Variants in FTSJ3 observed in about 807,000 individuals in gnomAD.
FTSJ3 encodes pre-rRNA 2'-O-ribose RNA methyltransferase FTSJ3.
A neutral mutation model predicts 111.5 loss-of-function variants in FTSJ3; 46 were observed. The observed-to-expected ratio is 0.41, with a 90% CI of 0.33 to 0.53. FTSJ3 has a LOEUF of 0.53. FTSJ3 is among the 20% of genes least tolerant of loss of function. The pLI is 0.19. For synonymous variants in FTSJ3, 408 were observed against 383.0 expected (o/e 1.07, Z -0.76); for missense variants, 1,075 against 1,063.8 (o/e 1.01, Z -0.15).
At position 63,821,576 on chromosome 17, in the gene FTSJ3, A is replaced by G. The variant is rs764314785; in HGVS notation, c.1664T>C (p.Phe555Ser). The change falls in exon 16 of 21, where the codon TTT becomes TCT. Residue 555 changes from phenylalanine to serine, a missense_variant. By Grantham distance (155) the Phe-to-Ser change is radical. Around this residue, in one of 2 missense-constraint regions of FTSJ3, gnomAD observed 867 missense variants for 796.9 expected, o/e 1.09. Coordinates refer to ENST00000427159, the MANE Select transcript of FTSJ3 (RefSeq NM_017647.4). ...ALEISQAQLL[F>S]ENRRKGRQQQ... ...CTGCCGTCCCTTCCGCCGGTTCTCAAATAACAGCTGGGCCTGACTGATCTC... is the reference window on the plus strand; with the variant it reads ...CTGCCGTCCCTTCCGCCGGTTCTCAGATAACAGCTGGGCCTGACTGATCTC... 1.9e-6 allele frequency: 3 copies of G among 1,613,976 alleles called. No homozygotes were observed. The highest frequency in any genetic ancestry group is 1.3e-5 in the African/African-American group (1 of 74,910).
Position 63,820,355 on chromosome 17 carries a change from A to G in FTSJ3, c.2156T>C (p.Val719Ala). 6.2e-7 allele frequency: 1 copy of G among 1,614,066 alleles called. No individual in the cohort carries two copies. Among genetic ancestry groups the G allele is most frequent in the South Asian group, 1.1e-5 (1 of 91,076 alleles). Residue 719 changes from valine to alanine, a missense_variant, in exon 19 of 21, where the codon GTT becomes GCT. This residue lies in a region of FTSJ3 where 867 missense variants were observed against 796.9 expected (regional missense o/e 1.09). Transcript: ENST00000427159. Reference protein sequence around the residue: ...EKQHRIRQLPVGKKEVEHYRK... With the variant: ...EKQHRIRQLPAGKKEVEHYRK... ...GTAATGCTCCACCTCCTTCTTACCA[A>G]CAGGCAACTGTCGTATCCGGTGCTG...
chr17:63,824,498 G>T, intron 10 of FTSJ3, 87 bp from the exon 11 acceptor site: 2 of 1,505,162 alleles, frequency 1.3e-6, no homozygotes. Context: ...CACCTTTCGG[G>T]CTTCGGCTAC....
At chr17:63,822,837 G>A (rs2040063792) in intron 13 of FTSJ3, among the ~76,000 whole-genome samples, 1 of 152,298 alleles carries the variant, frequency 6.6e-6, no homozygotes, top group South Asian at 2.1e-4. Flanking sequence ...TCACATATGA[G>A]GGATTACACC....
intron 13 of FTSJ3, 190 bp downstream of exon 13, chr17:63,823,627 C>T (rs2144606768): frequency 1.6e-6 from 1 of 633,894 alleles, no homozygotes; most frequent in East Asian, 2.6e-5. Flanking sequence ...TCACACTCAT[C>T]TATCTACCTA....
chr17:63,820,892 A>AAC lies in FTSJ3; in HGVS notation c.2017_2018dup (p.Ile674LeufsTer13). ...TCTTGGCCTTTTTGGAAGAGGCAAT[A>AAC]ACAGCACCTAGAGCAAGGCCTTCGG... On this transcript the variant is annotated frameshift_variant, in exon 18 of 21. Transcript: ENST00000427159. LOFTEE classifies it high-confidence loss of function. 1 of 1,614,206 alleles carries AAC rather than the reference A, an allele frequency of 6.2e-7. No homozygotes were observed.
intron 17 of FTSJ3, 33 bp downstream of exon 17, chr17:63,820,997 C>G (rs750316097): frequency 6.2e-7 from 1 of 1,607,298 alleles, no homozygotes; most frequent in African/African-American, 1.3e-5. Flanking sequence ...TTCCAGTGGT[C>G]TTTTCTCATT....
chr17:63,824,434 G>A, intron 10 of FTSJ3, 23 bp from the exon 11 acceptor site: 2 of 1,611,148 alleles, frequency 1.2e-6, no homozygotes, highest in Non-Finnish European at 1.7e-6. Flanking sequence ...TACTATTACT[G>A]ATCTTGCCAT....
rs1183180160 is a variant in FTSJ3 at position 63,822,180 on chromosome 17, C to T, written c.1291-12G>A. ...ACTTCCTCTAATAACTGAAGTGTAA[C>T]AGAAACAAAGGTAAACTATTTAAAA... is the stretch of plus-strand genomic sequence containing the variant. On this transcript the variant is annotated splice_polypyrimidine_tract_variant and intron_variant, in intron 13 of 20. Transcript: ENST00000427159. The T allele has an allele frequency of 1.2e-5, 20 of 1,610,394 alleles. No individual in the cohort carries two copies. The highest frequency in any genetic ancestry group is 5.0e-5 in the Admixed American group (3 of 59,804).
intron 9 of FTSJ3, 38 bp from the exon 10 acceptor site, chr17:63,824,775 C>T (rs1389326366): frequency 6.2e-7 from 1 of 1,607,266 alleles, no homozygotes; most frequent in Non-Finnish European, 8.5e-7. Context: ...GGGAGATCCT[C>T]AGGCCATGTT....
Position 63,826,127 on chromosome 17 carries a change from G to A in FTSJ3, c.229C>T (p.Leu77=), listed in dbSNP as rs2144611228. The change falls in exon 5 of 21, where the codon CTG becomes TTG. Residue 77 remains leucine, a synonymous_variant. Transcript: ENST00000427159. ...PVSSLIVGVD[L]VPIKPLPNVV... ...TTGGGGAGAGGCTTGATTGGAACCA[G>A]GTCCACTCCTGGAAGAAATCAGGTC... The A allele has an allele frequency of 6.2e-7, 1 of 1,613,962 alleles. No individual in the cohort carries two copies. The highest frequency in any genetic ancestry group is 2.2e-5 in the East Asian group (1 of 44,886).
Position 63,827,143 on chromosome 17 carries a change from T to G in FTSJ3, c.-118A>C, listed in dbSNP as rs181944199. The G allele has an allele frequency of 2.0e-4, 120 of 607,218 alleles. No individual in the cohort carries two copies. In the African/African-American group the frequency reaches 2.0e-3, roughly 10 times the overall value. The allele number at this position is 607,218 out of a possible 1,614,324, so 37.6% of individuals were successfully genotyped here. On this transcript the variant is annotated 5_prime_UTR_variant, in exon 1 of 21. Coordinates refer to ENST00000427159, the MANE Select transcript of FTSJ3 (RefSeq NM_017647.4). Reference sequence around the variant, plus strand: ...CGCTTGCGTCCCCTGCGTCCCTGGCTCGAGGTTTTCCGCCATTTTGAGTGT... The same window carrying G: ...CGCTTGCGTCCCCTGCGTCCCTGGCGCGAGGTTTTCCGCCATTTTGAGTGT...
rs762399989 is a variant in FTSJ3, at chr17:63,824,681, C to A, written c.873G>T (p.Arg291=). Residue 291 remains arginine (R), a synonymous_variant, in exon 10 of 21, where the codon CGG becomes CGT. Coordinates refer to ENST00000427159, the MANE Select transcript of FTSJ3 (RefSeq NM_017647.4). Reference sequence around the variant, plus strand: ...ACACTCTGATGTCCTGACAGCACACCCGTATGTCCTCAGTGGTAGCTGGAT... The same window carrying A: ...ACACTCTGATGTCCTGACAGCACACACGTATGTCCTCAGTGGTAGCTGGAT... ...AQHPATTEDI[R]VCCQDIRVLG... The A allele has an allele frequency of 3.7e-6, 6 of 1,614,038 alleles. No homozygotes were observed. In the African/African-American group the frequency reaches 8.0e-5, roughly 22 times the overall value.
In FTSJ3 at chr17:63,821,149, CACTCTGTACT is replaced by C. The variant is rs758335132; in HGVS notation, c.1887-44_1887-35del. 1.9e-6 allele frequency: 3 copies of C among 1,603,746 alleles called. No individual in the cohort carries two copies. In the African/African-American group the frequency reaches 4.0e-5, roughly 21 times the overall value. ...AGGGGAGGACTCTGAGTGATTCCAC[CACTCTGTACT>C]ACTCAGACCGCACTCCCACGGAATT... On this transcript the variant is annotated intron_variant, in intron 16 of 20. Transcript: ENST00000427159.
chr17:63,823,862 C>A lies in FTSJ3; in HGVS notation c.1245G>T (p.Glu415Asp), dbSNP rs1270085141. 3.1e-6 allele frequency: 5 copies of A among 1,614,186 alleles called. No individual in the cohort carries two copies. The highest frequency in any genetic ancestry group is 3.3e-5 in the Admixed American group (2 of 60,014). ...TCAAGGAGAACATGCCAGTCTCCCC[C>A]TCGTCTGCAATGGAAACCCCAGGCA... ...MDLPGVSIAD[E>D]GETGMFSLST... The change falls in exon 13 of 21, where the codon GAG becomes GAT. Residue 415 changes from glutamate to aspartate, a missense_variant. Coordinates refer to ENST00000427159, the MANE Select transcript of FTSJ3 (RefSeq NM_017647.4).
chr17:63,825,457 G>A (rs770888400), intron 6 of FTSJ3, 21 bp from the exon 7 acceptor site: 3 of 1,613,772 alleles, frequency 1.9e-6, no homozygotes, highest in Admixed American at 1.7e-5. Flanking sequence ...GAGACAATTA[G>A]TTGACGCACT....
At position 63,825,238 on chromosome 17, in the gene FTSJ3, C is replaced by G. The variant is rs760922897; in HGVS notation, c.595+4G>C. On this transcript the variant is annotated splice_donor_region_variant and intron_variant, in intron 7 of 20. Coordinates refer to ENST00000427159, the MANE Select transcript of FTSJ3 (RefSeq NM_017647.4). ...TGGATCAAGAGAAAGGAAATGATGCCCACCTTGGCAGACTACAAAGATCTC... is the reference window on the plus strand; with the variant it reads ...TGGATCAAGAGAAAGGAAATGATGCGCACCTTGGCAGACTACAAAGATCTC... The G allele has an allele frequency of 5.0e-6, 8 of 1,614,016 alleles. No individual in the cohort carries two copies. The highest frequency in any genetic ancestry group is 6.8e-6 in the Non-Finnish European group (8 of 1,179,980).
Position 63,821,424 on chromosome 17 carries a change from CAG to C in FTSJ3, c.1814_1815del (p.Thr605ArgfsTer3), listed in dbSNP as rs755603291. ...TEASSGTEAA[T>X]GLEGEEKDGI... is the part of the protein sequence containing the mutation. ...CCATCCTTTTCTTCCCCTTCAAGGC[CAG>C]TGGCAGCTTCTGTCCCCGAAGAAGC... On this transcript the variant is annotated frameshift_variant, in exon 16 of 21. Coordinates refer to ENST00000427159, the MANE Select transcript of FTSJ3 (RefSeq NM_017647.4). LOFTEE classifies it high-confidence loss of function. 1 of 1,614,168 alleles carries C rather than the reference CAG, an allele frequency of 6.2e-7. No individual in the cohort carries two copies. The highest frequency in any genetic ancestry group is 1.7e-5 in the Admixed American group (1 of 60,030).
chr17:63,824,319 TTC>T lies in FTSJ3; in HGVS notation c.998+10_998+11del, dbSNP rs1172774753. ...CCCAGTCCACACCTGCCTCGCTGCG[TTC>T]TCTCCTCACCTGATGTCCAGTGCCT... is the stretch of plus-strand genomic sequence containing the variant. On this transcript the variant is annotated intron_variant, in intron 11 of 20. Transcript: ENST00000427159. The T allele has an allele frequency of 4.3e-6, 7 of 1,614,184 alleles. No individual in the cohort carries two copies. The East Asian group carries it at 1.3e-4, about 31-fold the overall frequency.
Position 63,820,339 on chromosome 17 carries a change from C to CA in FTSJ3, c.2171dup (p.Glu725GlyfsTer20), listed in dbSNP as rs2040037235. ...CCCGCCAGCGTTTCCGGTAATGCTC[C>CA]ACCTCCTTCTTACCAACAGGCAACT... On this transcript the variant is annotated frameshift_variant, in exon 19 of 21. Transcript: ENST00000427159. LOFTEE classifies it high-confidence loss of function. 1 of 1,614,080 alleles carries CA rather than the reference C, an allele frequency of 6.2e-7. No individual in the cohort carries two copies. Among genetic ancestry groups the CA allele is most frequent in the African/African-American group, 1.3e-5 (1 of 74,992 alleles).
Sources: allele counts gnomAD v4.1 joint callset (sites outside exome capture counted in the v4.1 genomes callset), GRCh38; gene constraint gnomAD v4.1.1; regional missense constraint gnomAD v4.1.1; transcripts MANE v1.5; gene names NCBI Gene and HGNC (gene_info 2026-07-23, HGNC 2026-07-21).